Variants in COX11 observed in about 807,000 individuals in gnomAD.
The protein encoded by COX11 is cytochrome c oxidase assembly protein COX11, mitochondrial.
Under a neutral mutation model 29.4 loss-of-function variants are expected in COX11, and 18 were observed. The observed-to-expected ratio is 0.61, with a 90% CI of 0.42 to 0.91. COX11 has a LOEUF of 0.91. COX11 is among the 40% of genes least tolerant of loss of function. The pLI is 0.00. For synonymous variants in COX11, 131 were observed against 124.0 expected (o/e 1.06, Z -0.38); for missense variants, 312 against 346.0 (o/e 0.90, Z 0.78).
intron 1 of COX11, among the ~76,000 whole-genome samples, chr17:54,966,443 T>C (rs72831295): frequency 0.21 from 31,737 of 152,128 alleles, 3,881 homozygotes; most frequent in Non-Finnish European, 0.27. Context: ...TGGGGCAGGG[T>C]TTCTCAATCT....
downstream of COX11, among the ~76,000 whole-genome samples, chr17:54,958,774 T>G (rs974752403): frequency 3.5e-5 from 5 of 142,596 alleles, no homozygotes; most frequent in African/African-American, 1.3e-4. Flanking sequence ...TAGAGGATAC[T>G]AAGGCATTTA....
chr17:54,968,295 G>C lies in COX11; in HGVS notation c.352C>G (p.Arg118Gly), dbSNP rs755006699. 6.2e-7 allele frequency: 1 copy of C among 1,612,526 alleles called. No individual in the cohort carries two copies. Among genetic ancestry groups the C allele is most frequent in the South Asian group, 1.1e-5 (1 of 91,032 alleles). Reference protein sequence around the residue: ...GASYAAVPLYRLYCQTTGLGG... With the variant: ...GASYAAVPLYGLYCQTTGLGG... ...CCGGCCCCTACCTGGCAATAGAGCC[G>C]ATAAAGGGGTACGGCAGCGTAGGAC... Residue 118 changes from arginine (R) to glycine (G), a missense_variant, in exon 1 of 4, where the codon CGG becomes GGG. By Grantham distance (125) the Arg-to-Gly change is moderately radical. Coordinates refer to ENST00000299335, the MANE Select transcript of COX11 (RefSeq NM_004375.5).
chr17:54,966,231 T>A (rs1021974454), intron 1 of COX11, among the ~76,000 whole-genome samples: 3 of 152,220 alleles, frequency 2.0e-5, no homozygotes, highest in Non-Finnish European at 2.9e-5. Flanking sequence ...AGTCTTTGAA[T>A]ATGGGTTCAA....
chr17:54,963,326 G>A lies in COX11; in HGVS notation c.628C>T (p.Gln210Ter), dbSNP rs1409236338. ...TGTACCTGTATTTTATTGAAATACTGTCCAGCTTCAAATGGAACAATATTG... is the reference window on the plus strand; with the variant it reads ...TGTACCTGTATTTTATTGAAATACTATCCAGCTTCAAATGGAACAATATTG... ...TYNIVPFEAG[Q>*]YFNKIQCFCF... The change falls in exon 3 of 4, where the codon CAG becomes TAG. Residue 210 changes from glutamine to a stop codon, truncating the protein, a stop_gained. Coordinates refer to ENST00000299335, the MANE Select transcript of COX11 (RefSeq NM_004375.5). LOFTEE classifies it high-confidence loss of function. The A allele has an allele frequency of 6.2e-7, 1 of 1,610,866 alleles. No homozygotes were observed. The highest frequency in any genetic ancestry group is 8.5e-7 in the Non-Finnish European group (1 of 1,178,348).
At chr17:54,966,382 A>G (rs2077216015) in intron 1 of COX11, among the ~76,000 whole-genome samples, 2 of 152,226 alleles carry the variant, frequency 1.3e-5, no homozygotes, top group Non-Finnish European at 1.5e-5. Context: ...TTCCTGATCT[A>G]TGATTGCATG....
chr17:54,957,876 T>C (rs2076988202), downstream of COX11: 1 of 152,216 alleles, frequency 6.6e-6, no homozygotes, highest in Non-Finnish European at 1.5e-5. Flanking sequence ...AGGTTAAACG[T>C]AGTATGGATA....
chr17:54,962,417 T>C lies in COX11; in HGVS notation c.*316A>G, dbSNP rs1233232737. ...CATTGCTGTAAGTATGAAGAGTTAA[T>C]AATCTGGAAGGGAATTATGGAATTA... is the stretch of plus-strand genomic sequence containing the variant. On this transcript the variant is annotated 3_prime_UTR_variant, in exon 4 of 4. Transcript: ENST00000299335. 1.4e-5 allele frequency: 14 copies of C among 1,011,876 alleles called. No individual in the cohort carries two copies. Among genetic ancestry groups the C allele is most frequent in the Non-Finnish European group, 1.7e-5 (14 of 848,306 alleles). 62.7% of individuals were successfully genotyped at this position (1,011,876 alleles called of 1,614,324 possible).
Position 54,968,567 on chromosome 17 carries a change from C to G in COX11, c.80G>C (p.Arg27Thr). Residue 27 changes from arginine to threonine, a missense_variant, in exon 1 of 4, where the codon AGG (arginine) becomes ACG (threonine). Physicochemically the swap from Arg to Thr is moderately conservative, Grantham distance 71. This residue lies in a region of COX11 where 130 missense variants were observed against 106.0 expected (regional missense o/e 1.23). Coordinates refer to ENST00000299335, the MANE Select transcript of COX11 (RefSeq NM_004375.5). ...WRWIHPGSPT[R>T]AAERVEPFLR... ...AAACGGCTCTACCCTCTCTGCAGCC[C>G]TGGTTGGAGACCCAGGGTGGATCCA... is the stretch of plus-strand genomic sequence containing the variant. 1 of 1,613,074 alleles carries G rather than the reference C, an allele frequency of 6.2e-7. No homozygotes were observed. Among genetic ancestry groups the G allele is most frequent in the Non-Finnish European group, 8.5e-7 (1 of 1,180,010 alleles).
chr17:54,968,780 C>T, upstream of COX11: 3 of 1,060,804 alleles, frequency 2.8e-6, no homozygotes, highest in South Asian at 3.2e-5. Flanking sequence ...GCAGCGCTTG[C>T]AGTCGGGCTA....
At position 54,962,548 on chromosome 17, in the gene COX11, T is replaced by C. The variant is rs916990560; in HGVS notation, c.*185A>G. 1.5e-6 allele frequency: 2 copies of C among 1,317,604 alleles called. No homozygotes were observed. The highest frequency in any genetic ancestry group is 3.0e-5 in the African/African-American group (2 of 66,270). The allele number at this position is 1,317,604 out of a possible 1,614,324, so 81.6% of individuals were successfully genotyped here. On this transcript the variant is annotated 3_prime_UTR_variant, in exon 4 of 4. Transcript: ENST00000299335. ...GTCAGTCATATATTCTAGCTAGGCA[T>C]ATGAGTTTCTTATGATAAAAGCTGA...
intron 1 of COX11, among the ~76,000 whole-genome samples, chr17:54,965,755 C>T (rs922316130): frequency 6.6e-6 from 1 of 150,586 alleles, no homozygotes; most frequent in Non-Finnish European, 1.5e-5. Context: ...TGCTTGAACC[C>T]GGGAGGCGGA....
chr17:54,959,978 A>G (rs1196291499), downstream of COX11, among the ~76,000 whole-genome samples: 1 of 152,170 alleles, frequency 6.6e-6, no homozygotes, highest in Non-Finnish European at 1.5e-5. Context: ...GCAAAACATA[A>G]ACTGTCCAAA....
At chr17:54,966,565 A>G (rs2144169279) in intron 1 of COX11, among the ~76,000 whole-genome samples, 1 of 152,230 alleles carries the variant, frequency 6.6e-6, no homozygotes, top group African/African-American at 2.4e-5. Context: ...TGCCAGTAGC[A>G]CCCTATACCC....
intron 1 of COX11, among the ~76,000 whole-genome samples, chr17:54,965,654 C>T (rs1192839663): frequency 6.6e-6 from 1 of 152,118 alleles, no homozygotes; most frequent in Non-Finnish European, 1.5e-5. Context: ...CAGTGAACCC[C>T]CGTCTCTATT....
In COX11 at chr17:54,961,906, T is replaced by C. The variant is rs1421148528; in HGVS notation, c.*827A>G. On this transcript the variant is annotated 3_prime_UTR_variant, in exon 4 of 4. Coordinates refer to ENST00000299335, the MANE Select transcript of COX11 (RefSeq NM_004375.5). ...CTATTTAGAACACAGAAAATGAAAA[T>C]ATTTAGAATAAGTTGTACATTTGAT... is the stretch of plus-strand genomic sequence containing the variant. 1 of 903,340 alleles carries C rather than the reference T, an allele frequency of 1.1e-6. No homozygotes were observed. Among genetic ancestry groups the C allele is most frequent in the Non-Finnish European group, 1.3e-6 (1 of 754,874 alleles). The allele number at this position is 903,340 out of a possible 1,614,324, so 56.0% of individuals were successfully genotyped here. A position where few individuals can be genotyped will look rare whatever the true frequency, so the allele number is the denominator to read the frequency against.
Position 54,961,177 on chromosome 17 carries a change from G to C in COX11, c.*1556C>G. On this transcript the variant is annotated 3_prime_UTR_variant, in exon 4 of 4. Coordinates refer to ENST00000299335, the MANE Select transcript of COX11 (RefSeq NM_004375.5). ...CCAGTAAAGACAAGAGAGTTATCAA[G>C]GAATGGGGAAAGAGAAGGACAGGAT... 1 of 1,162,226 alleles carries C rather than the reference G, an allele frequency of 8.6e-7. No homozygotes were observed. The highest frequency in any genetic ancestry group is 1.3e-6 in the Non-Finnish European group (1 of 793,690). 72.0% of individuals were successfully genotyped at this position (1,162,226 alleles called of 1,614,324 possible).
exon 1 of COX11, chr17:54,952,853 T>TA (rs1325725190): frequency 6.6e-6 from 1 of 152,204 alleles, no homozygotes; most frequent in African/African-American, 2.4e-5. Context: ...TGTCCTGATT[T>TA]AGAGAAATTG....
chr17:54,962,582 T>A lies in COX11; in HGVS notation c.*151A>T. 1 of 1,346,956 alleles carries A rather than the reference T, an allele frequency of 7.4e-7. No individual in the cohort carries two copies. The highest frequency in any genetic ancestry group is 1.5e-5 in the African/African-American group (1 of 66,886). The allele number at this position is 1,346,956 out of a possible 1,614,324, so 83.4% of individuals were successfully genotyped here. ...CTTATGATAAAAGCTGAACTTGTTC[T>A]CTCAAGTTTAAGTGAAAAAAATTAG... On this transcript the variant is annotated 3_prime_UTR_variant, in exon 4 of 4. Transcript: ENST00000299335.
At chr17:54,966,299 A>G (rs1185145398) in intron 1 of COX11, among the ~76,000 whole-genome samples, 4 of 152,244 alleles carry the variant, frequency 2.6e-5, no homozygotes, top group Non-Finnish European at 5.9e-5. Flanking sequence ...ACAGCACTAA[A>G]AAGATGTCCT....
Sources: allele counts gnomAD v4.1 joint callset (sites outside exome capture counted in the v4.1 genomes callset), GRCh38; gene constraint gnomAD v4.1.1; regional missense constraint gnomAD v4.1.1; transcripts MANE v1.5; gene names NCBI Gene and HGNC (gene_info 2026-07-23, HGNC 2026-07-21).